The following SLC4A10 variants were observed in gnomAD, a reference collection of about 807,000 sequenced individuals.
SLC4A10 encodes sodium-driven chloride bicarbonate exchanger.
In SLC4A10, 42 loss-of-function variants were observed where a neutral mutation model predicts 137.7. The observed-to-expected ratio is 0.30, with a 90% CI of 0.24 to 0.39. The LOEUF is 0.39. SLC4A10 is among the 10% of genes least tolerant of loss of function. SLC4A10 has a pLI of 1.00. For synonymous variants in SLC4A10, 474 were observed against 464.1 expected, an observed-to-expected ratio of 1.02 and a Z score of -0.27; for missense variants, 925 against 1,355.0, an observed-to-expected ratio of 0.68 and a Z score of 4.98.
intron 1 of SLC4A10, chr2:161,708,695 C>T: frequency 6.6e-7 from 1 of 1,514,426 alleles, no homozygotes; most frequent in Non-Finnish European, 8.8e-7. Flanking sequence ...TTTCACTAGC[C>T]CTGAAGATGC....
intron 15 of SLC4A10, among the ~76,000 whole-genome samples, chr2:161,924,500 A>G (rs991600268): frequency 6.6e-6 from 1 of 152,194 alleles, no homozygotes; most frequent in African/African-American, 2.4e-5. Flanking sequence ...ATACATATAT[A>G]AATACAAATA....
intron 4 of SLC4A10, among the ~76,000 whole-genome samples, chr2:161,851,378 A>G (rs1303729670): frequency 6.6e-6 from 1 of 152,174 alleles, no homozygotes; most frequent in Admixed American, 6.5e-5. Flanking sequence ...AACTTGTTTT[A>G]TGAATCTGGG....
At chr2:161,697,230 C>CG (rs928381136) in intron 1 of SLC4A10, among the ~76,000 whole-genome samples, 1 of 151,606 alleles carries the variant, frequency 6.6e-6, no homozygotes, top group African/African-American at 2.4e-5. Context: ...GAGTAGGTTG[C>CG]AAAATTTTCT....
At chr2:161,687,287 G>A (rs1420092225) in intron 1 of SLC4A10, among the ~76,000 whole-genome samples, 1 of 152,118 alleles carries the variant, frequency 6.6e-6, no homozygotes, top group South Asian at 2.1e-4. Context: ...ATATTGGAGG[G>A]ACATATATTA....
rs1294096473 is a variant in SLC4A10 at position 161,881,761 on chromosome 2, T to C, written c.1107-596T>C. Among the ~76,000 whole-genome samples, 4 of 152,164 alleles carry C rather than the reference T, an allele frequency of 2.6e-5. No individual in the cohort carries two copies. The East Asian group carries it at 5.8e-4, about 22-fold the overall frequency. On this transcript the variant is annotated intron_variant, in intron 9 of 26. Coordinates refer to ENST00000446997, the MANE Select transcript of SLC4A10 (RefSeq NM_001178015.2). Reference sequence around the variant, plus strand: ...AATTTGCCAAATGTTCGACCTAATATAGATGGAATATTATAGTGCAGATGC... The same window carrying C: ...AATTTGCCAAATGTTCGACCTAATACAGATGGAATATTATAGTGCAGATGC...
chr2:161,950,736 C>A lies in SLC4A10; in HGVS notation c.2429C>A (p.Pro810Gln). ...GWFVTPLGPN[P>Q]WWTVIAAIIP... ...TTTGTTACGCCTTTAGGTCCAAACCCATGGTGGACAGTAATAGCTGCTATA... is the reference window on the plus strand; with the variant it reads ...TTTGTTACGCCTTTAGGTCCAAACCAATGGTGGACAGTAATAGCTGCTATA... The change falls in exon 19 of 27, where the codon CCA becomes CAA. Residue 810 changes from proline to glutamine, a missense_variant. Physicochemically the swap from Pro to Gln is moderately conservative, Grantham distance 76. Transcript: ENST00000446997. The A allele has an allele frequency of 1.3e-6, 2 of 1,595,556 alleles. No individual in the cohort carries two copies. Among genetic ancestry groups the A allele is most frequent in the Non-Finnish European group, 1.7e-6 (2 of 1,170,110 alleles).
chr2:161,672,857 T>A (rs942033050), intron 1 of SLC4A10, among the ~76,000 whole-genome samples: 1 of 152,184 alleles, frequency 6.6e-6, no homozygotes, highest in African/African-American at 2.4e-5. Flanking sequence ...TAATTGTGCT[T>A]CTTTTGGCTA....
intron 1 of SLC4A10, among the ~76,000 whole-genome samples, chr2:161,634,149 C>A (rs970530826): frequency 5.9e-5 from 9 of 151,822 alleles, no homozygotes; most frequent in Non-Finnish European, 1.2e-4. Context: ...CAGTTTGTGA[C>A]AGTTATTAAG....
chr2:161,935,910 T>A (rs1691499564), intron 15 of SLC4A10, among the ~76,000 whole-genome samples: 2 of 152,160 alleles, frequency 1.3e-5, no homozygotes, highest in African/African-American at 4.8e-5. Flanking sequence ...GAATAAGATA[T>A]TAGCTGTGGG....
intron 1 of SLC4A10, among the ~76,000 whole-genome samples, chr2:161,756,329 A>G (rs1168212673): frequency 6.6e-6 from 1 of 152,182 alleles, no homozygotes; most frequent in East Asian, 1.9e-4. Context: ...AAACTATATG[A>G]TATTAACCTG....
intron 12 of SLC4A10, among the ~76,000 whole-genome samples, chr2:161,903,190 A>G (rs2105321164): frequency 6.6e-6 from 1 of 152,304 alleles, no homozygotes; most frequent in South Asian, 2.1e-4. Context: ...CTTTTCCCCC[A>G]AAATAATTAT....
intron 1 of SLC4A10, among the ~76,000 whole-genome samples, chr2:161,669,434 G>T (rs1304834338): frequency 6.6e-6 from 1 of 151,692 alleles, no homozygotes; most frequent in Non-Finnish European, 1.5e-5. Context: ...CATAAATATG[G>T]ATTAGTGTTT....
intron 15 of SLC4A10, among the ~76,000 whole-genome samples, chr2:161,922,678 TG>T (rs1352074724): frequency 6.6e-6 from 1 of 152,206 alleles, no homozygotes; most frequent in Admixed American, 6.5e-5. Flanking sequence ...GTAGCAATTA[TG>T]GTAGAAAGAC....
At chr2:161,818,262 C>T (rs2125676280) in intron 3 of SLC4A10, among the ~76,000 whole-genome samples, 1 of 152,268 alleles carries the variant, frequency 6.6e-6, no homozygotes, top group East Asian at 1.9e-4. Flanking sequence ...GGAGTTCATT[C>T]ATGATTTGGC....
At chr2:161,753,444 G>T (rs1461895951) in intron 1 of SLC4A10, among the ~76,000 whole-genome samples, 1 of 152,130 alleles carries the variant, frequency 6.6e-6, no homozygotes, top group Non-Finnish European at 1.5e-5. Flanking sequence ...AATAACATGG[G>T]TTTTGGAGTT....
intron 3 of SLC4A10, among the ~76,000 whole-genome samples, chr2:161,817,053 A>G (rs1344608613): frequency 6.6e-6 from 1 of 152,204 alleles, no homozygotes; most frequent in East Asian, 1.9e-4. Flanking sequence ...AGGAATCGCC[A>G]CACTGACTTT....
chr2:161,875,056 A>G (rs1020887608), intron 8 of SLC4A10, among the ~76,000 whole-genome samples: 1 of 152,210 alleles, frequency 6.6e-6, no homozygotes, highest in African/African-American at 2.4e-5. Flanking sequence ...AGTATTTGGT[A>G]TATATTTGTT....
At chr2:161,848,342 GTT>G (rs989157356) in intron 4 of SLC4A10, among the ~76,000 whole-genome samples, 11 of 152,046 alleles carry the variant, frequency 7.2e-5, no homozygotes, top group Non-Finnish European at 1.6e-4. Flanking sequence ...TGTTTACTCT[GTT>G]GATAGTTTCT....
intron 10 of SLC4A10, among the ~76,000 whole-genome samples, chr2:161,891,689 A>G (rs892300311): frequency 6.6e-6 from 1 of 151,938 alleles, no homozygotes; most frequent in African/African-American, 2.4e-5. Context: ...CTAGTTAGCA[A>G]TTCCTCTAAC....
Sources: gnomAD v4.1 joint callset for allele counts (sites outside exome capture counted in the v4.1 genomes callset) on GRCh38, gnomAD v4.1.1 for gene constraint, MANE v1.5 for transcripts, NCBI Gene and HGNC (gene_info 2026-07-23, HGNC 2026-07-21) for gene names.